The following GHR variants were observed in gnomAD, a reference collection of about 807,000 sequenced individuals.
GHR encodes the protein GH receptor.
Under a neutral mutation model 67.1 loss-of-function variants are expected in GHR, and 35 were observed. That is an observed-to-expected ratio of 0.52 (90% CI 0.40 to 0.69). The LOEUF (loss-of-function observed/expected upper bound fraction) is 0.69. Ranked by LOEUF, GHR falls within the 30% of genes least tolerant of loss-of-function variation. The pLI is 0.00. For synonymous variants in GHR, 272 were observed against 269.1 expected (o/e 1.01, Z -0.10); for missense variants, 792 against 764.6 (o/e 1.04, Z -0.42).
Position 42,565,945 on chromosome 5 carries a change from G to A in GHR, c.70+1G>A. On this transcript the variant is annotated splice_donor_variant, in intron 2 of 9. Coordinates refer to ENST00000230882, the MANE Select transcript of GHR (RefSeq NM_000163.5). LOFTEE classifies it high-confidence loss of function. The stretch of plus-strand genomic sequence containing the variant: ...AGTGATGCTTTTTCTGGAAGTGAGG[G>A]TGAGTTCTGCTTTTCCATTTCCACC... 3 of 1,614,032 alleles carry A rather than the reference G, an allele frequency of 1.9e-6. No individual in the cohort carries two copies. Among genetic ancestry groups the A allele is most frequent in the Non-Finnish European group, 2.5e-6 (3 of 1,179,914 alleles).
intron 2 of GHR, among the ~76,000 whole-genome samples, chr5:42,595,833 G>A (rs1752038651): frequency 6.6e-6 from 1 of 152,236 alleles, no homozygotes; most frequent in Admixed American, 6.5e-5. Context: ...TGTGGAGTGA[G>A]TGAGTGATGT....
At chr5:42,427,708 T>G (rs1742914399) in intron 1 of GHR, among the ~76,000 whole-genome samples, 1 of 152,192 alleles carries the variant, frequency 6.6e-6, no homozygotes, top group South Asian at 2.1e-4. Flanking sequence ...GCAAGTCCCT[T>G]CCACCTATGA....
At chr5:42,471,758 A>G (rs1745021497) in intron 1 of GHR, among the ~76,000 whole-genome samples, 1 of 152,206 alleles carries the variant, frequency 6.6e-6, no homozygotes, top group South Asian at 2.1e-4. Context: ...TATTGTTCAT[A>G]TGGAGAAACA....
intron 3 of GHR, among the ~76,000 whole-genome samples, chr5:42,676,217 G>A (rs570913470): frequency 6.6e-5 from 10 of 152,166 alleles, no homozygotes; most frequent in East Asian, 1.9e-4. Flanking sequence ...CCTGGGAGGC[G>A]GAGGTTGCAG....
chr5:42,468,129 C>A (rs1744818000), intron 1 of GHR: 3 of 1,255,040 alleles, frequency 2.4e-6, no homozygotes, highest in Non-Finnish European at 3.5e-6. Context: ...TTGGTTTCAG[C>A]ACCTTTTCTT....
intron 1 of GHR, among the ~76,000 whole-genome samples, chr5:42,475,399 C>A (rs780062877): frequency 7.3e-5 from 11 of 151,558 alleles, no homozygotes; most frequent in Non-Finnish European, 1.6e-4. Context: ...CTTCCAGGGT[C>A]CTGGAAGGAA....
At chr5:42,549,787 T>C in intron 1 of GHR, 1 of 365,204 alleles carries the variant, frequency 2.7e-6, no homozygotes, top group Non-Finnish European at 3.8e-6. Flanking sequence ...AAATTGGCAG[T>C]TTAAGAAAAT....
At chr5:42,569,470 C>T (rs752000595) in intron 2 of GHR, among the ~76,000 whole-genome samples, 1 of 152,062 alleles carries the variant, frequency 6.6e-6, no homozygotes, top group Non-Finnish European at 1.5e-5. Context: ...GCAAGACTTG[C>T]TGGGCCCTTG....
At position 42,711,330 on chromosome 5, in the gene GHR, T is replaced by C. The variant is rs773712309; in HGVS notation, c.742T>C (p.Tyr248His). The C allele has an allele frequency of 1.2e-6, 2 of 1,613,198 alleles. No homozygotes were observed. Among genetic ancestry groups the C allele is most frequent in the South Asian group, 2.2e-5 (2 of 91,066 alleles). ...TTATGGCGAGTTCAGTGAGGTGCTC[T>C]ATGTAACACTTCCTCAGATGAGCCA... ...GNYGEFSEVL[Y>H]VTLPQMSQFT... Residue 248 changes from tyrosine (Y) to histidine (H), a missense_variant, in exon 7 of 10, where the codon TAT (tyrosine) becomes CAT (histidine). Coordinates refer to ENST00000230882, the MANE Select transcript of GHR (RefSeq NM_000163.5).
At chr5:42,427,962 G>A (rs534310529) in intron 1 of GHR, among the ~76,000 whole-genome samples, 130 of 152,332 alleles carry the variant, frequency 8.5e-4, no homozygotes, top group Non-Finnish European at 1.4e-3. Context: ...GGCACATGGT[G>A]CTAACTGTCA....
intron 8 of GHR, among the ~76,000 whole-genome samples, chr5:42,716,939 T>G (rs969025718): frequency 6.6e-6 from 1 of 151,964 alleles, no homozygotes; most frequent in Non-Finnish European, 1.5e-5. Flanking sequence ...TAGTCAGGAG[T>G]TTTTTAAAAA....
chr5:42,645,025 T>C (rs1276522437), intron 3 of GHR, among the ~76,000 whole-genome samples: 3 of 152,160 alleles, frequency 2.0e-5, no homozygotes, highest in African/African-American at 4.8e-5. Context: ...CAGAGTTCTA[T>C]CTTGAAAGGT....
intron 1 of GHR, among the ~76,000 whole-genome samples, chr5:42,552,500 T>A (rs1749085806): frequency 6.6e-6 from 1 of 152,168 alleles, no homozygotes; most frequent in Non-Finnish European, 1.5e-5. Flanking sequence ...TTCCCTGGGA[T>A]CATCTTATGT....
At chr5:42,428,978 C>T (rs1284705442) in intron 1 of GHR, among the ~76,000 whole-genome samples, 3 of 152,170 alleles carry the variant, frequency 2.0e-5, no homozygotes, top group African/African-American at 7.2e-5. Flanking sequence ...CTGCCTGTTA[C>T]CCAGTTCTAA....
intron 1 of GHR, among the ~76,000 whole-genome samples, chr5:42,455,717 G>A (rs560762586): frequency 3.0e-4 from 45 of 152,270 alleles, no homozygotes; most frequent in Non-Finnish European, 4.7e-4. Context: ...CTAGATTTAG[G>A]AATAAAGGAC....
chr5:42,601,285 C>T (rs1351582919), intron 2 of GHR, among the ~76,000 whole-genome samples: 2 of 152,104 alleles, frequency 1.3e-5, no homozygotes, highest in Non-Finnish European at 2.9e-5. Context: ...CTTTTATTGT[C>T]TTCTCCTTTC....
chr5:42,463,810 G>A (rs1256525600), intron 1 of GHR, among the ~76,000 whole-genome samples: 2 of 151,034 alleles, frequency 1.3e-5, no homozygotes, highest in East Asian at 1.9e-4. Flanking sequence ...CGGCTAAAAC[G>A]GTGAAACCCC....
chr5:42,647,045 C>A (rs1193372221), intron 3 of GHR, among the ~76,000 whole-genome samples: 1 of 152,132 alleles, frequency 6.6e-6, no homozygotes, highest in African/African-American at 2.4e-5. Flanking sequence ...TAAAATGATA[C>A]AATTCCATCC....
At chr5:42,488,078 G>A (rs1192667053) in intron 1 of GHR, among the ~76,000 whole-genome samples, 1 of 152,142 alleles carries the variant, frequency 6.6e-6, no homozygotes, top group East Asian at 1.9e-4. Context: ...TGCATGCTCT[G>A]GCTCCTGTCT....
Sources: allele counts gnomAD v4.1 joint callset (sites outside exome capture counted in the v4.1 genomes callset), GRCh38; gene constraint gnomAD v4.1.1; transcripts MANE v1.5; gene names NCBI Gene and HGNC (gene_info 2026-07-23, HGNC 2026-07-21).